The following FOXJ3 variants were observed in gnomAD, a reference collection of about 807,000 sequenced individuals.
FOXJ3 encodes the protein forkhead box J3.
FOXJ3 carries 22 observed loss-of-function variants against 76.1 expected under a neutral mutation model. That is an observed-to-expected ratio of 0.29 (90% CI 0.21 to 0.41). The LOEUF is 0.41. Among genes scored for constraint, FOXJ3 ranks in the 10% least tolerant of loss-of-function variants. The probability of loss-of-function intolerance (pLI) is 1.00; values close to 1 mark genes in which losing one functional copy is unlikely to be tolerated. For missense variants in FOXJ3, 613 were observed against 762.1 expected (o/e 0.80, Z 2.30); for synonymous variants, 269 against 261.2 (o/e 1.03, Z -0.29).
rs4019587 is a variant in FOXJ3, at chr1:42,248,730, CTTTTTTTT to C, written c.444+16377_444+16384del. Among the ~76,000 whole-genome samples, 8 of 92,238 alleles carry C rather than the reference CTTTTTTTT, an allele frequency of 8.7e-5. No homozygotes were observed. In the South Asian group the frequency reaches 2.2e-3, roughly 25 times the overall value. The allele number at this position is 92,238 out of a possible 152,430, so 60.5% of individuals were successfully genotyped here. The stretch of plus-strand genomic sequence containing the variant: ...AAAGAACTCAAGTCTCCTGTTTTTT[CTTTTTTTT>C]TTTTTTTTTTTTTTTTTTAAGTTCC... On this transcript the variant is annotated intron_variant, in intron 4 of 12. Coordinates refer to ENST00000361346, the MANE Select transcript of FOXJ3 (RefSeq NM_014947.5).
chr1:42,217,231 T>G (rs1165340796), intron 5 of FOXJ3, among the ~76,000 whole-genome samples: 1 of 152,192 alleles, frequency 6.6e-6, no homozygotes. Flanking sequence ...AAAATGGATT[T>G]AAAAATACTC....
rs577470780 is a variant in FOXJ3, at chr1:42,300,282, T to C, written c.44+10768A>G. Among the ~76,000 whole-genome samples the C allele has an allele frequency of 4.6e-5, 7 of 152,354 alleles. No individual in the cohort carries two copies. The South Asian group carries it at 1.0e-3, about 23-fold the overall frequency. Reference sequence around the variant, plus strand: ...GTTAGCTGCCTTAGAGTTTCAACTATATAACTGCTTTATAGACTCGGTGAG... The same window carrying C: ...GTTAGCTGCCTTAGAGTTTCAACTACATAACTGCTTTATAGACTCGGTGAG... On this transcript the variant is annotated intron_variant, in intron 2 of 12. Transcript: ENST00000361346.
chr1:42,312,022 T>C (rs1480335624), intron 1 of FOXJ3, among the ~76,000 whole-genome samples: 1 of 152,158 alleles, frequency 6.6e-6, no homozygotes, highest in Non-Finnish European at 1.5e-5. Context: ...GGTTTAAGTG[T>C]ATACATACGC....
intron 8 of FOXJ3, among the ~76,000 whole-genome samples, chr1:42,192,289 T>C (rs1646563875): frequency 6.6e-6 from 1 of 152,222 alleles, no homozygotes; most frequent in South Asian, 2.1e-4. Flanking sequence ...GGGCATAGGC[T>C]GCAAGCTGGA....
chr1:42,243,848 T>C (rs1165498336), intron 4 of FOXJ3, among the ~76,000 whole-genome samples: 1 of 152,224 alleles, frequency 6.6e-6, no homozygotes, highest in Non-Finnish European at 1.5e-5. Flanking sequence ...CCGAATATTT[T>C]ATCCAACAGC....
At chr1:42,208,237 T>C (rs1646897858) in intron 5 of FOXJ3, among the ~76,000 whole-genome samples, 1 of 152,204 alleles carries the variant, frequency 6.6e-6, no homozygotes, top group African/African-American at 2.4e-5. Flanking sequence ...CTAGAATATA[T>C]CTGCTACTGA....
At chr1:42,201,895 A>G (rs1258069340) in intron 6 of FOXJ3, among the ~76,000 whole-genome samples, 1 of 152,172 alleles carries the variant, frequency 6.6e-6, no homozygotes, top group African/African-American at 2.4e-5. Context: ...TAATATATAC[A>G]AAAGTATTAA....
intron 2 of FOXJ3, among the ~76,000 whole-genome samples, chr1:42,285,900 T>C (rs1653022088): frequency 6.6e-5 from 10 of 152,228 alleles, no homozygotes. Flanking sequence ...AGAGTGCATA[T>C]AATTCATCTT....
rs757735033 is a variant in FOXJ3, at chr1:42,260,395, AG to A, written c.444+4719del. 5.1e-4 allele frequency among the ~76,000 whole-genome samples: 78 copies of A among 152,288 alleles called. 1 individual carries two copies. Among genetic ancestry groups the A allele is most frequent in the Admixed American group, 1.0e-3 (16 of 15,294 alleles). On this transcript the variant is annotated intron_variant, in intron 4 of 12. Transcript: ENST00000361346. Reference sequence around the variant, plus strand: ...GGTCCCTTATACTAAGCTACAGAATAGGAATAGAAAAAAATTCATAATTTGT... The same window carrying A: ...GGTCCCTTATACTAAGCTACAGAATAGAATAGAAAAAAATTCATAATTTGT...
chr1:42,320,417 C>T (rs932455338), intron 1 of FOXJ3, among the ~76,000 whole-genome samples: 1 of 152,268 alleles, frequency 6.6e-6, no homozygotes, highest in African/African-American at 2.4e-5. Flanking sequence ...CTCTACTTTG[C>T]TCAAAAACTT....
chr1:42,293,071 A>G (rs1037172118), intron 2 of FOXJ3, among the ~76,000 whole-genome samples: 4 of 152,192 alleles, frequency 2.6e-5, no homozygotes, highest in Non-Finnish European at 4.4e-5. Context: ...ACTGTACTCC[A>G]GCCTGGGTGA....
intron 2 of FOXJ3, among the ~76,000 whole-genome samples, chr1:42,295,708 T>C (rs183688211): frequency 7.0e-4 from 106 of 152,168 alleles, no homozygotes; most frequent in Non-Finnish European, 1.4e-3. Context: ...TTTCTATTTT[T>C]AGTAGAGACA....
intron 2 of FOXJ3, among the ~76,000 whole-genome samples, chr1:42,287,731 C>T (rs527604558): frequency 9.2e-5 from 14 of 152,200 alleles, no homozygotes; most frequent in African/African-American, 1.9e-4. Context: ...GAGGAAGAGA[C>T]GGGCAGATCG....
At chr1:42,234,074 A>G (rs1179647515) in intron 4 of FOXJ3, among the ~76,000 whole-genome samples, 2 of 152,124 alleles carry the variant, frequency 1.3e-5, no homozygotes, top group Non-Finnish European at 2.9e-5. Flanking sequence ...ATAGTCCCAT[A>G]TTTCTTGGAG....
At chr1:42,253,904 C>G (rs1203547127) in intron 4 of FOXJ3, among the ~76,000 whole-genome samples, 4 of 151,652 alleles carry the variant, frequency 2.6e-5, no homozygotes, top group Non-Finnish European at 4.4e-5. Context: ...TAGGCATGGG[C>G]AAGGACTTCA....
chr1:42,334,649 G>C (rs1194493130), intron 1 of FOXJ3, among the ~76,000 whole-genome samples: 2 of 152,350 alleles, frequency 1.3e-5, no homozygotes, highest in East Asian at 3.9e-4. Context: ...TTAAAGGGAA[G>C]AAGCCGCAGA....
At chr1:42,327,275 T>C (rs1039971902) in intron 1 of FOXJ3, among the ~76,000 whole-genome samples, 3 of 152,122 alleles carry the variant, frequency 2.0e-5, no homozygotes, top group African/African-American at 4.8e-5. Flanking sequence ...TAAGGTGTCA[T>C]AGACTCACAG....
At chr1:42,185,033 T>TG (rs915064998) in intron 11 of FOXJ3, among the ~76,000 whole-genome samples, 5 of 152,114 alleles carry the variant, frequency 3.3e-5, no homozygotes, top group Non-Finnish European at 5.9e-5. Context: ...GTAACAACAT[T>TG]GGTCTTTACT....
At chr1:42,309,698 G>A (rs1654689659) in intron 2 of FOXJ3, among the ~76,000 whole-genome samples, 2 of 152,188 alleles carry the variant, frequency 1.3e-5, no homozygotes, top group African/African-American at 4.8e-5. Flanking sequence ...TGATATGGCT[G>A]ACTGCACAAC....
Sources: gnomAD v4.1 joint callset for allele counts (sites outside exome capture counted in the v4.1 genomes callset) on GRCh38, gnomAD v4.1.1 for gene constraint, MANE v1.5 for transcripts, NCBI Gene and HGNC (gene_info 2026-07-23, HGNC 2026-07-21) for gene names.